The following RBMS3 variants were observed in gnomAD, a reference collection of about 807,000 sequenced individuals.
The protein encoded by RBMS3 is RNA-binding motif, single-stranded-interacting protein 3.
RBMS3 carries 27 observed loss-of-function variants against 66.8 expected under a neutral mutation model. That is an observed-to-expected ratio of 0.40 (90% CI 0.30 to 0.56). The LOEUF is 0.56. Ranked by LOEUF, RBMS3 falls within the 20% of genes least tolerant of loss-of-function variation. The pLI, the probability that RBMS3 is intolerant of heterozygous loss-of-function variation, is 0.40. For missense variants in RBMS3, 513 were observed against 549.5 expected, an observed-to-expected ratio of 0.93 and a Z score of 0.66; for synonymous variants, 188 against 183.0, an observed-to-expected ratio of 1.03 and a Z score of -0.22.
chr3:29,901,575 C>A (rs1017776292), intron 10 of RBMS3, among the ~76,000 whole-genome samples: 1 of 151,714 alleles, frequency 6.6e-6, no homozygotes. Flanking sequence ...CTTTTCCACC[C>A]CAGTACAGCT....
chr3:29,807,114 G>A (rs182773560), intron 6 of RBMS3, among the ~76,000 whole-genome samples: 2 of 151,976 alleles, frequency 1.3e-5, no homozygotes, highest in African/African-American at 4.8e-5. Flanking sequence ...GAAAAAACAT[G>A]ACGGGGCTGT....
chr3:29,427,235 A>G (rs1416947258), intron 1 of RBMS3, among the ~76,000 whole-genome samples: 1 of 152,260 alleles, frequency 6.6e-6, no homozygotes, highest in Admixed American at 6.5e-5. Flanking sequence ...CTATGCTTGT[A>G]TTCTAGATAA....
chr3:29,768,772 C>T (rs971562575), intron 6 of RBMS3, among the ~76,000 whole-genome samples: 1 of 151,934 alleles, frequency 6.6e-6, no homozygotes. Flanking sequence ...TCACATTCTA[C>T]AGGGTTCCTT....
intron 4 of RBMS3, among the ~76,000 whole-genome samples, chr3:29,713,526 T>C (rs534700136): frequency 4.6e-5 from 7 of 152,264 alleles, no homozygotes; most frequent in Admixed American, 3.3e-4. Flanking sequence ...ACTGGTCATT[T>C]CTATACCAGA....
At chr3:29,306,080 C>T (rs2033990220) in intron 1 of RBMS3, among the ~76,000 whole-genome samples, 1 of 151,856 alleles carries the variant, frequency 6.6e-6, no homozygotes, top group Non-Finnish European at 1.5e-5. Flanking sequence ...TTCTTTTAGA[C>T]CTTTAGAAAA....
intron 2 of RBMS3, among the ~76,000 whole-genome samples, chr3:29,455,246 C>G (rs1326959993): frequency 2.0e-5 from 3 of 152,150 alleles, no homozygotes; most frequent in Admixed American, 2.0e-4. Context: ...TTCATCTCTT[C>G]TGTTAGCCTG....
At chr3:29,314,550 T>C (rs1237877764) in intron 1 of RBMS3, among the ~76,000 whole-genome samples, 1 of 151,604 alleles carries the variant, frequency 6.6e-6, no homozygotes, top group African/African-American at 2.4e-5. Flanking sequence ...AAGCTGTTGC[T>C]TAAAGGTTAA....
Position 29,975,853 on chromosome 3 carries a change from G to T in RBMS3, c.1099-12290G>T, listed in dbSNP as rs569651422. ...GTATTTCCATATAAATTTTAGAATGGGCTTGTTTATTTCTACTAAGAAATC... is the reference window on the plus strand; with the variant it reads ...GTATTTCCATATAAATTTTAGAATGTGCTTGTTTATTTCTACTAAGAAATC... On this transcript the variant is annotated intron_variant, in intron 12 of 14. Coordinates refer to ENST00000383767, the MANE Select transcript of RBMS3 (RefSeq NM_001003793.3). Among the ~76,000 whole-genome samples, 5 of 151,738 alleles carry T rather than the reference G, an allele frequency of 3.3e-5. No individual in the cohort carries two copies. The South Asian group carries it at 1.0e-3, about 32-fold the overall frequency.
At chr3:29,521,583 T>A (rs2044859037) in intron 3 of RBMS3, among the ~76,000 whole-genome samples, 1 of 152,184 alleles carries the variant, frequency 6.6e-6, no homozygotes, top group African/African-American at 2.4e-5. Flanking sequence ...GAAAATTGAG[T>A]CCAGGATGTA....
At chr3:29,812,951 T>G (rs2057770451) in intron 6 of RBMS3, among the ~76,000 whole-genome samples, 1 of 152,090 alleles carries the variant, frequency 6.6e-6, no homozygotes, top group Admixed American at 6.6e-5. Context: ...CACACACATA[T>G]GCATATATAA....
At chr3:29,681,516 C>CA (rs397768175) in intron 4 of RBMS3, among the ~76,000 whole-genome samples, 1 of 151,524 alleles carries the variant, frequency 6.6e-6, no homozygotes, top group Non-Finnish European at 1.5e-5. Context: ...ACAATCCCCC[C>CA]AGACAGGCCC....
chr3:29,782,225 A>G (rs568347615), intron 6 of RBMS3, among the ~76,000 whole-genome samples: 90 of 152,144 alleles, frequency 5.9e-4, no homozygotes, highest in African/African-American at 2.0e-3. Context: ...GCCAACCAAC[A>G]CAAAACCAGT....
At chr3:29,492,200 C>T (rs1018803232) in intron 3 of RBMS3, among the ~76,000 whole-genome samples, 1 of 151,960 alleles carries the variant, frequency 6.6e-6, no homozygotes, top group African/African-American at 2.4e-5. Context: ...TGTAAGTCAG[C>T]AAATCATGAT....
At chr3:29,454,417 C>T (rs1272932795) in intron 2 of RBMS3, among the ~76,000 whole-genome samples, 1 of 152,160 alleles carries the variant, frequency 6.6e-6, no homozygotes, top group Non-Finnish European at 1.5e-5. Context: ...CTGGGTAATT[C>T]TCAACATCTT....
chr3:29,413,267 G>A (rs1484905339), intron 1 of RBMS3, among the ~76,000 whole-genome samples: 1 of 152,120 alleles, frequency 6.6e-6, no homozygotes, highest in African/African-American at 2.4e-5. Context: ...TTACTCAGGA[G>A]GCTGAGGCAG....
At chr3:29,850,835 G>A (rs750990081) in intron 6 of RBMS3, among the ~76,000 whole-genome samples, 14 of 152,122 alleles carry the variant, frequency 9.2e-5, no homozygotes, top group Admixed American at 2.0e-4. Flanking sequence ...TTTAGAGGTC[G>A]CTGTCACTCT....
At chr3:29,463,156 T>C (rs973863233) in intron 2 of RBMS3, among the ~76,000 whole-genome samples, 1 of 152,208 alleles carries the variant, frequency 6.6e-6, no homozygotes, top group Admixed American at 6.5e-5. Flanking sequence ...AATATGTGTC[T>C]CCAGAGCTTC....
chr3:29,294,871 C>T lies in RBMS3; in HGVS notation c.75+13115C>T, dbSNP rs183692792. ...TTTTGGACTATAGTCCAGGAGTAAC[C>T]AGCCATGCCATATACCTATCCAAAG... On this transcript the variant is annotated intron_variant, in intron 1 of 14. Coordinates refer to ENST00000383767, the MANE Select transcript of RBMS3 (RefSeq NM_001003793.3). 2.9e-3 allele frequency among the ~76,000 whole-genome samples: 436 copies of T among 151,634 alleles called. 4 individuals carry two copies. The highest frequency in any genetic ancestry group is 0.01 in the African/African-American group (417 of 41,394).
At chr3:29,311,686 G>A (rs762432565) in intron 1 of RBMS3, among the ~76,000 whole-genome samples, 54 of 151,930 alleles carry the variant, frequency 3.6e-4, no homozygotes, top group Admixed American at 7.9e-4. Flanking sequence ...AGGCGTAAGA[G>A]CATTGCATTG....
Sources: allele counts gnomAD v4.1 joint callset (sites outside exome capture counted in the v4.1 genomes callset), GRCh38; gene constraint gnomAD v4.1.1; transcripts MANE v1.5; gene names NCBI Gene and HGNC (gene_info 2026-07-23, HGNC 2026-07-21).